Variants in NEGR1 observed in about 807,000 individuals in gnomAD.
NEGR1 encodes neuronal growth regulator 1.
Under a neutral mutation model 40.9 loss-of-function variants are expected in NEGR1, and 10 were observed. The ratio of observed to expected loss-of-function variants is 0.24; its 90% CI spans 0.15 to 0.42. The LOEUF (loss-of-function observed/expected upper bound fraction) is 0.42, where lower values mean the gene tolerates loss of function less well. Among genes scored for constraint, NEGR1 ranks in the 10% least tolerant of loss-of-function variants. NEGR1 has a pLI of 1.00. For synonymous variants in NEGR1, 185 were observed against 166.8 expected (o/e 1.11, Z -0.84); for missense variants, 352 against 438.9 (o/e 0.80, Z 1.77).
intron 2 of NEGR1, among the ~76,000 whole-genome samples, chr1:71,847,860 A>G (rs769351654): frequency 1.2e-4 from 19 of 152,228 alleles, no homozygotes; most frequent in Non-Finnish European, 2.4e-4. Context: ...AGACATGTGG[A>G]AAGCCAAGAT....
intron 4 of NEGR1, among the ~76,000 whole-genome samples, chr1:71,670,986 G>A (rs1420615074): frequency 6.6e-6 from 1 of 152,058 alleles, no homozygotes; most frequent in Non-Finnish European, 1.5e-5. Context: ...TTCATTATGA[G>A]CATGAGTCTA....
At chr1:72,154,838 T>G (rs1651300829) in intron 1 of NEGR1, among the ~76,000 whole-genome samples, 1 of 152,004 alleles carries the variant, frequency 6.6e-6, no homozygotes, top group African/African-American at 2.4e-5. Flanking sequence ...TCCTTCAGGA[T>G]GAAGGTCAGA....
intron 1 of NEGR1, among the ~76,000 whole-genome samples, chr1:72,019,025 C>T (rs1646734799): frequency 6.6e-6 from 1 of 152,024 alleles, no homozygotes; most frequent in African/African-American, 2.4e-5. Flanking sequence ...CATTGGAAAT[C>T]AAGACATATG....
rs568942202 is a variant in NEGR1, at chr1:71,565,934, C to G, written c.940+26883G>C. On this transcript the variant is annotated intron_variant, in intron 6 of 6. Transcript: ENST00000357731. ...AAGTCAAATATTGAAAATATATGCC[C>G]TAATTTAAAACAATGTCTGACACAC... is the stretch of plus-strand genomic sequence containing the variant. 2.6e-5 allele frequency among the ~76,000 whole-genome samples: 4 copies of G among 152,056 alleles called. No homozygotes were observed. In the South Asian group the frequency reaches 8.3e-4, roughly 32 times the overall value.
At chr1:72,055,329 C>G (rs1215993899) in intron 1 of NEGR1, among the ~76,000 whole-genome samples, 1 of 151,136 alleles carries the variant, frequency 6.6e-6, no homozygotes, top group East Asian at 1.9e-4. Context: ...TTTTAATAAC[C>G]TGAACCTAAT....
intron 1 of NEGR1, among the ~76,000 whole-genome samples, chr1:72,138,015 G>A (rs559591330): frequency 3.7e-4 from 56 of 151,958 alleles, no homozygotes; most frequent in Admixed American, 2.2e-3. Flanking sequence ...AAGGCTGAAA[G>A]AATTCACCAC....
chr1:71,581,162 C>T (rs1222960982), intron 6 of NEGR1, among the ~76,000 whole-genome samples: 1 of 152,110 alleles, frequency 6.6e-6, no homozygotes, highest in Non-Finnish European at 1.5e-5. Context: ...TGATATGGCA[C>T]ATCTCTTCCC....
chr1:72,040,088 A>G (rs890694548), intron 1 of NEGR1, among the ~76,000 whole-genome samples: 1 of 152,024 alleles, frequency 6.6e-6, no homozygotes. Flanking sequence ...CTGAAAAATT[A>G]AATACTTATA....
chr1:71,693,284 A>G (rs1402124632), intron 4 of NEGR1, among the ~76,000 whole-genome samples: 1 of 151,674 alleles, frequency 6.6e-6, no homozygotes, highest in Non-Finnish European at 1.5e-5. Context: ...CCTGGGAGAA[A>G]AAAAATTAAT....
chr1:71,532,606 C>A (rs977361340), intron 6 of NEGR1, among the ~76,000 whole-genome samples: 3 of 151,592 alleles, frequency 2.0e-5, no homozygotes, highest in African/African-American at 7.3e-5. Flanking sequence ...AATCACCTTG[C>A]AACTATTCTA....
At chr1:71,953,915 A>C (rs548672957) in intron 1 of NEGR1, among the ~76,000 whole-genome samples, 1 of 152,188 alleles carries the variant, frequency 6.6e-6, no homozygotes, top group African/African-American at 2.4e-5. Context: ...ATTAAAAAAA[A>C]TAATGTGACT....
intron 4 of NEGR1, among the ~76,000 whole-genome samples, chr1:71,612,085 G>A (rs1165722452): frequency 6.6e-6 from 1 of 152,188 alleles, no homozygotes; most frequent in Non-Finnish European, 1.5e-5. Flanking sequence ...AGCCGGGCAT[G>A]GTGGTGGGCA....
intron 6 of NEGR1, among the ~76,000 whole-genome samples, chr1:71,578,987 T>G (rs1649045168): frequency 6.6e-6 from 1 of 152,160 alleles, no homozygotes; most frequent in Non-Finnish European, 1.5e-5. Context: ...TCTTAGTAAC[T>G]GGGATAATTT....
chr1:71,737,481 G>T (rs929352539), intron 3 of NEGR1, among the ~76,000 whole-genome samples: 3 of 152,000 alleles, frequency 2.0e-5, no homozygotes, highest in Admixed American at 6.6e-5. Flanking sequence ...TAATGAAGCA[G>T]ATAGGAGAAC....
chr1:71,832,334 T>A lies in NEGR1; in HGVS notation c.410-56037A>T, dbSNP rs563994551. Among the ~76,000 whole-genome samples the A allele has an allele frequency of 1.7e-3, 252 of 152,098 alleles. 1 individual carries two copies. The highest frequency in any genetic ancestry group is 2.8e-3 in the Non-Finnish European group (192 of 67,956). On this transcript the variant is annotated intron_variant, in intron 2 of 6. Transcript: ENST00000357731. ...GTGCCATATGTCTGAAAGCTCTTCA[T>A]CAGAGATACAAAGCTGAAAGGAAGG... is the stretch of plus-strand genomic sequence containing the variant.
intron 1 of NEGR1, among the ~76,000 whole-genome samples, chr1:71,981,951 C>G (rs1646358068): frequency 6.6e-6 from 1 of 152,102 alleles, no homozygotes; most frequent in African/African-American, 2.4e-5. Context: ...TATTGTTTAG[C>G]ACTGTATACA....
At chr1:72,136,914 C>A (rs560576425) in intron 1 of NEGR1, among the ~76,000 whole-genome samples, 2 of 152,156 alleles carry the variant, frequency 1.3e-5, no homozygotes, top group South Asian at 4.1e-4. Flanking sequence ...AAACAAACAA[C>A]CCCATCAAAA....
chr1:71,997,578 T>C (rs994390054), intron 1 of NEGR1, among the ~76,000 whole-genome samples: 3 of 152,016 alleles, frequency 2.0e-5, no homozygotes, highest in African/African-American at 7.2e-5. Context: ...TATTCAACTC[T>C]CCTGTGAACT....
intron 1 of NEGR1, among the ~76,000 whole-genome samples, chr1:72,084,652 T>C (rs376547963): frequency 6.6e-6 from 1 of 152,186 alleles, no homozygotes; most frequent in Admixed American, 6.6e-5. Flanking sequence ...TACTGATGTG[T>C]TGAGTAAAGG....
Sources: gnomAD v4.1 joint callset for allele counts (sites outside exome capture counted in the v4.1 genomes callset) on GRCh38, gnomAD v4.1.1 for gene constraint, MANE v1.5 for transcripts, NCBI Gene and HGNC (gene_info 2026-07-23, HGNC 2026-07-21) for gene names.